CPPED1: variants seen among roughly 807,000 people sequenced by gnomAD.
CPPED1 encodes the protein serine/threonine-protein phosphatase CPPED1.
CPPED1 carries 28 observed loss-of-function variants against 28.0 expected under a neutral mutation model. That is an observed-to-expected ratio of 1.00 (90% CI 0.74 to 1.37). The LOEUF is 1.37. Among genes scored for constraint, CPPED1 ranks in the 40% most tolerant of loss-of-function variants. The pLI, the probability that CPPED1 is intolerant of heterozygous loss-of-function variation, is 0.00. For synonymous variants in CPPED1, 198 were observed against 180.2 expected, an observed-to-expected ratio of 1.10 and a Z score of -0.79; for missense variants, 504 against 416.5, an observed-to-expected ratio of 1.21 and a Z score of -1.83.
chr16:12,724,112 G>A (rs1429446006), intron 2 of CPPED1, among the ~76,000 whole-genome samples: 1 of 152,080 alleles, frequency 6.6e-6, no homozygotes, highest in African/African-American at 2.4e-5. Flanking sequence ...GTTCCCTCTG[G>A]GGCTTCCTCC....
chr16:12,781,002 A>T (rs1322689843), intron 2 of CPPED1, 183 bp downstream of exon 2: 6 of 600,914 alleles, frequency 1.0e-5, no homozygotes, highest in Non-Finnish European at 1.8e-5. Flanking sequence ...ATCTCGCCAA[A>T]CTCTAAATAT....
intron 3 of CPPED1, among the ~76,000 whole-genome samples, chr16:12,678,490 G>T (rs2079889310): frequency 6.6e-6 from 1 of 152,122 alleles, no homozygotes; most frequent in Non-Finnish European, 1.5e-5. Flanking sequence ...CGCTCAATCG[G>T]GGGGGAAATG....
chr16:12,673,883 C>T, intron 3 of CPPED1, among the ~76,000 whole-genome samples: 1 of 151,840 alleles, frequency 6.6e-6, no homozygotes, highest in Admixed American at 6.6e-5. Flanking sequence ...CCTGTCTCTA[C>T]AAAAAAATTT....
chr16:12,767,706 C>T (rs555113270), intron 2 of CPPED1, among the ~76,000 whole-genome samples: 2 of 152,284 alleles, frequency 1.3e-5, no homozygotes, highest in East Asian at 3.9e-4. Flanking sequence ...TGCCTGTAAT[C>T]CCAGCACTTG....
At chr16:12,739,404 ACT>A (rs1222843231) in intron 2 of CPPED1, among the ~76,000 whole-genome samples, 2 of 151,982 alleles carry the variant, frequency 1.3e-5, no homozygotes, top group Non-Finnish European at 2.9e-5. Context: ...ACATGGTGAA[ACT>A]CTGTCTCTAC....
chr16:12,707,104 T>C (rs1389310525), intron 2 of CPPED1, among the ~76,000 whole-genome samples: 1 of 152,184 alleles, frequency 6.6e-6, no homozygotes, highest in African/African-American at 2.4e-5. Flanking sequence ...GTCTGGTTCT[T>C]TTCCCATGCC....
rs1218855965 is a variant in CPPED1 at position 12,704,510 on chromosome 16, C to T, written c.715+114G>A. 15 of 1,132,126 alleles carry T rather than the reference C, an allele frequency of 1.3e-5. 1 individual carries two copies. The highest frequency in any genetic ancestry group is 2.4e-4 in the Middle Eastern group (1 of 4,158). The allele number at this position is 1,132,126 out of a possible 1,614,324, so 70.1% of individuals were successfully genotyped here. A position where few individuals can be genotyped will look rare whatever the true frequency, so the allele number is the denominator to read the frequency against. ...GTCCAAGAGCTGGTATCAGAACTCC[C>T]GGCCTAGTCCTCTCTCCCTTTTTGA... On this transcript the variant is annotated intron_variant, in intron 3 of 3. Transcript: ENST00000381774.
intron 1 of CPPED1, among the ~76,000 whole-genome samples, chr16:12,791,549 G>A (rs890276527): frequency 3.9e-5 from 6 of 152,048 alleles, no homozygotes; most frequent in South Asian, 2.1e-4. Context: ...ATCATTCCAC[G>A]TCTACAACAT....
At position 12,779,124 on chromosome 16, in the gene CPPED1, T is replaced by C. The variant is rs115129940; in HGVS notation, c.289+2061A>G. Among the ~76,000 whole-genome samples the C allele has an allele frequency of 2.8e-3, 422 of 152,372 alleles. 3 individuals carry two copies. The highest frequency in any genetic ancestry group is 9.0e-3 in the African/African-American group (375 of 41,590). On this transcript the variant is annotated intron_variant, in intron 2 of 3. Coordinates refer to ENST00000381774, the MANE Select transcript of CPPED1 (RefSeq NM_018340.3). ...AATTCAGAACAAGTTGGTAAACATC[T>C]ACGAGAACATGTTATATAATTCCAG...
intron 3 of CPPED1, among the ~76,000 whole-genome samples, chr16:12,686,100 G>C (rs1381218872): frequency 6.6e-6 from 1 of 152,156 alleles, no homozygotes; most frequent in African/African-American, 2.4e-5. Context: ...GGTGATGGGA[G>C]TTTCCTGTTC....
intron 1 of CPPED1, among the ~76,000 whole-genome samples, chr16:12,783,948 C>A (rs1232494715): frequency 6.6e-6 from 1 of 151,632 alleles, no homozygotes; most frequent in African/African-American, 2.4e-5. Flanking sequence ...ATTCACTGAG[C>A]ACTGACTGTG....
chr16:12,748,383 G>GAT lies in CPPED1; in HGVS notation c.289+32800_289+32801dup, dbSNP rs2141216210. Among the ~76,000 whole-genome samples the GAT allele has an allele frequency of 1.3e-5, 2 of 152,220 alleles. 1 individual carries two copies. Among genetic ancestry groups the GAT allele is most frequent in the South Asian group, 4.1e-4 (2 of 4,824 alleles). On this transcript the variant is annotated intron_variant, in intron 2 of 3. Transcript: ENST00000381774. ...CTGTAAAAGAAAATATGTGAGATAC[G>GAT]ATACCATTTACACACAGTTTAAAAA... is the stretch of plus-strand genomic sequence containing the variant.
chr16:12,778,000 C>A (rs1294496821), intron 2 of CPPED1, among the ~76,000 whole-genome samples: 2 of 151,052 alleles, frequency 1.3e-5, no homozygotes, highest in African/African-American at 4.9e-5. Context: ...TTCTCCACCG[C>A]CTGGGTTCAA....
chr16:12,670,758 A>C lies in CPPED1; in HGVS notation c.716-5643T>G, dbSNP rs2079849042. 6.6e-6 allele frequency among the ~76,000 whole-genome samples: 1 copy of C among 152,266 alleles called. No individual in the cohort carries two copies. The highest frequency in any genetic ancestry group is 2.4e-5 in the African/African-American group (1 of 41,480). On this transcript the variant is annotated intron_variant, in intron 3 of 3. Coordinates refer to ENST00000381774, the MANE Select transcript of CPPED1 (RefSeq NM_018340.3). The surrounding 1 kb of genome is among the most constrained non-coding windows in gnomAD (Gnocchi z 4.2). ...AAACTGTCATCAAAAACAAGGAATG[A>C]GTGAGAAACTATCACAGCCAAGAGG...
At chr16:12,724,438 C>T (rs1395741714) in intron 2 of CPPED1, among the ~76,000 whole-genome samples, 1 of 152,148 alleles carries the variant, frequency 6.6e-6, no homozygotes, top group African/African-American at 2.4e-5. Context: ...CATGAGTGGC[C>T]CGTGCAATCC....
Position 12,690,528 on chromosome 16 carries a change from A to AAAG in CPPED1, c.715+14095_715+14096insCTT, listed in dbSNP as rs1567276770. 1.0e-4 allele frequency among the ~76,000 whole-genome samples: 15 copies of AAAG among 149,912 alleles called. No homozygotes were observed. The South Asian group carries it at 1.1e-3, about 11-fold the overall frequency. On this transcript the variant is annotated intron_variant, in intron 3 of 3. Transcript: ENST00000381774. ...GACTCCTTCTCAAGAAAGAAAGAAA[A>AAAG]AAAAAAGGCCAGGTGTGGTGGCTCA... is the stretch of plus-strand genomic sequence containing the variant.
At chr16:12,689,820 G>A (rs1047894771) in intron 3 of CPPED1, among the ~76,000 whole-genome samples, 1 of 152,124 alleles carries the variant, frequency 6.6e-6, no homozygotes, top group African/African-American at 2.4e-5. Flanking sequence ...AATCTGAAAA[G>A]AACCCACAGT....
intron 2 of CPPED1, chr16:12,780,905 C>T: frequency 2.4e-6 from 1 of 417,650 alleles, no homozygotes; most frequent in Non-Finnish European, 4.3e-6. Flanking sequence ...CCTGGAAATG[C>T]AGAAAGGTGA....
intron 2 of CPPED1, among the ~76,000 whole-genome samples, chr16:12,768,962 T>G (rs2080455025): frequency 6.7e-6 from 1 of 150,142 alleles, no homozygotes; most frequent in African/African-American, 2.5e-5. Flanking sequence ...ACCTCCTGGG[T>G]TCAAGCGATT....
Sources: gnomAD v4.1 joint callset for allele counts (sites outside exome capture counted in the v4.1 genomes callset) on GRCh38, gnomAD v4.1.1 for gene constraint, Gnocchi (gnomAD v3.1) non-coding constraint, MANE v1.5 for transcripts, NCBI Gene and HGNC (gene_info 2026-07-23, HGNC 2026-07-21) for gene names.